Variants in CRY1 observed in about 807,000 individuals in gnomAD.
CRY1 encodes the protein cryptochrome-1.
CRY1 carries 45 observed loss-of-function variants against 76.0 expected under a neutral mutation model. That is an observed-to-expected ratio of 0.59 (90% CI 0.47 to 0.76). The LOEUF is 0.76. CRY1 is among the 30% of genes least tolerant of loss of function. CRY1 has a pLI of 0.00. For missense variants in CRY1, 587 were observed against 716.4 expected (o/e 0.82, Z 2.06); for synonymous variants, 248 against 244.0 (o/e 1.02, Z -0.15).
chr12:107,062,143 T>C (rs1953056438), intron 1 of CRY1, among the ~76,000 whole-genome samples: 1 of 151,856 alleles, frequency 6.6e-6, no homozygotes, highest in Admixed American at 6.6e-5. Flanking sequence ...AACTAAAAAG[T>C]CACAGAAGTA....
In CRY1 at chr12:106,997,695, G is replaced by T; in HGVS notation, c.1290-5C>A. Reference sequence around the variant, plus strand: ...CTTAGGACAGGCAAATAACGCCTTTGGGAGAAAAAAGAAAGATTACTAATA... The same window carrying T: ...CTTAGGACAGGCAAATAACGCCTTTTGGAGAAAAAAGAAAGATTACTAATA... On this transcript the variant is annotated splice_region_variant and splice_polypyrimidine_tract_variant and intron_variant, in intron 8 of 12. Coordinates refer to ENST00000008527, the MANE Select transcript of CRY1 (RefSeq NM_004075.5). 1 of 1,612,878 alleles carries T rather than the reference G, an allele frequency of 6.2e-7. No individual in the cohort carries two copies. Among genetic ancestry groups the T allele is most frequent in the South Asian group, 1.1e-5 (1 of 91,000 alleles).
chr12:107,089,684 G>A (rs1197746231), intron 1 of CRY1, among the ~76,000 whole-genome samples: 2 of 152,160 alleles, frequency 1.3e-5, no homozygotes, highest in African/African-American at 4.8e-5. Flanking sequence ...AAAACTAAGA[G>A]GGTTTTCCCC....
chr12:107,071,111 T>C (rs1953186285), intron 1 of CRY1, among the ~76,000 whole-genome samples: 1 of 152,146 alleles, frequency 6.6e-6, no homozygotes, highest in Non-Finnish European at 1.5e-5. Flanking sequence ...CCTCTTCCAT[T>C]TTTATACCTT....
chr12:107,038,255 T>G (rs563554933), intron 1 of CRY1, among the ~76,000 whole-genome samples: 4 of 152,136 alleles, frequency 2.6e-5, no homozygotes, highest in African/African-American at 7.2e-5. Context: ...AAGGCTGAAT[T>G]TGAGATATAA....
rs1412824629 is a variant in CRY1 at position 107,082,696 on chromosome 12, T to C, written c.158+10108A>G. Among the ~76,000 whole-genome samples the C allele has an allele frequency of 2.0e-5, 3 of 152,098 alleles. No individual in the cohort carries two copies. The East Asian group carries it at 5.8e-4, about 29-fold the overall frequency. ...AATCTCTGGGACACAGCTAAAGCAG[T>C]GTTAAGAGGGAAATTTATAGCACTA... On this transcript the variant is annotated intron_variant, in intron 1 of 12. Coordinates refer to ENST00000008527, the MANE Select transcript of CRY1 (RefSeq NM_004075.5).
At chr12:106,995,192 C>T (rs1952220593) in intron 10 of CRY1, among the ~76,000 whole-genome samples, 1 of 152,124 alleles carries the variant, frequency 6.6e-6, no homozygotes, top group South Asian at 2.1e-4. Flanking sequence ...ATCCCACTAC[C>T]TCCTCCCCAG....
intron 1 of CRY1, among the ~76,000 whole-genome samples, chr12:107,063,691 G>A (rs985322031): frequency 2.0e-5 from 3 of 152,144 alleles, no homozygotes; most frequent in Non-Finnish European, 2.9e-5. Context: ...TCCGCCTCCT[G>A]GATTCAAGTG....
intron 1 of CRY1, among the ~76,000 whole-genome samples, chr12:107,081,403 G>A (rs1245316870): frequency 6.6e-6 from 1 of 151,900 alleles, no homozygotes; most frequent in African/African-American, 2.4e-5. Context: ...ACACAAAAAG[G>A]CTCTTTCCCC....
chr12:107,060,421 C>T (rs1405837065), intron 1 of CRY1, among the ~76,000 whole-genome samples: 1 of 152,166 alleles, frequency 6.6e-6, no homozygotes, highest in Admixed American at 6.5e-5. Context: ...CAAGAAGGTC[C>T]TATCAAATGC....
Sources: gnomAD v4.1 joint callset for allele counts (sites outside exome capture counted in the v4.1 genomes callset) on GRCh38, gnomAD v4.1.1 for gene constraint, MANE v1.5 for transcripts, NCBI Gene and HGNC (gene_info 2026-07-23, HGNC 2026-07-21) for gene names.